FRYL: variants seen among roughly 807,000 people sequenced by gnomAD.
FRYL encodes the protein FRY like transcription coactivator.
Under a neutral mutation model 351.2 loss-of-function variants are expected in FRYL, and 150 were observed. That is an observed-to-expected ratio of 0.43 (90% CI 0.37 to 0.49). The LOEUF (loss-of-function observed/expected upper bound fraction) is 0.49, where lower values mean the gene tolerates loss of function less well. Among genes scored for constraint, FRYL ranks in the 20% least tolerant of loss-of-function variants. The probability of loss-of-function intolerance (pLI) is 0.00; values close to 1 mark genes in which losing one functional copy is unlikely to be tolerated. For synonymous variants in FRYL, 1,153 were observed against 1,257.1 expected, an observed-to-expected ratio of 0.92 and a Z score of 1.75; for missense variants, 3,036 against 3,619.3, an observed-to-expected ratio of 0.84 and a Z score of 4.13.
chr4:48,660,306 C>G (rs1320729027), intron 3 of FRYL, among the ~76,000 whole-genome samples: 2 of 152,160 alleles, frequency 1.3e-5, no homozygotes, highest in African/African-American at 4.8e-5. Flanking sequence ...AAGGAGTTAA[C>G]CTAGCAGGCC....
intron 12 of FRYL, 66 bp downstream of exon 12, chr4:48,603,224 G>A: frequency 9.0e-7 from 1 of 1,109,758 alleles, no homozygotes; most frequent in Non-Finnish European, 1.3e-6. Context: ...AATTTCCACT[G>A]AATTCATAAA....
At chr4:48,520,069 A>G (rs1358121090) in intron 55 of FRYL, among the ~76,000 whole-genome samples, 1 of 152,172 alleles carries the variant, frequency 6.6e-6, no homozygotes, top group East Asian at 1.9e-4. Context: ...CTGTCTTAAT[A>G]GACAGCAAGA....
chr4:48,710,582 A>G lies in FRYL; in HGVS notation c.-267T>C, dbSNP rs536256099. The G allele has an allele frequency of 7.5e-6, 3 of 398,632 alleles. No individual in the cohort carries two copies. Among genetic ancestry groups the G allele is most frequent in the African/African-American group, 6.2e-5 (3 of 48,762 alleles). The allele number at this position is 398,632 out of a possible 1,614,324, so 24.7% of individuals were successfully genotyped here. ...AAGACACCAAGTTTGGAAAGGATCC[A>G]TCTAGAAGCTTTTTTGATCTGGAGC... On this transcript the variant is annotated 5_prime_UTR_variant, in exon 2 of 64. The change abolishes an upstream ATG in the 5' untranslated region. Transcript: ENST00000358350.
intron 2 of FRYL, among the ~76,000 whole-genome samples, chr4:48,697,618 T>C (rs919495145): frequency 6.6e-6 from 1 of 152,146 alleles, no homozygotes; most frequent in Non-Finnish European, 1.5e-5. Context: ...TAGCTGGGAT[T>C]ACAGGTGCAC....
At chr4:48,716,761 A>G (rs1017888629) in intron 1 of FRYL, among the ~76,000 whole-genome samples, 1 of 151,588 alleles carries the variant, frequency 6.6e-6, no homozygotes, top group East Asian at 1.9e-4. Context: ...ACCTGGCCAT[A>G]CCATTACTGG....
Position 48,540,690 on chromosome 4 carries a change from T to C in FRYL, c.5958A>G (p.Gly1986=). 1 of 1,614,040 alleles carries C rather than the reference T, an allele frequency of 6.2e-7. No individual in the cohort carries two copies. Among genetic ancestry groups the C allele is most frequent in the East Asian group, 2.2e-5 (1 of 44,880 alleles). ...TRSLSSLREK[G]MYDVQSTTEP... is the part of the protein sequence containing the mutation. ...CAGTAGTGGACTGCACGTCATACAT[T>C]CCTTTCTCTCTTAGAGAGGAAAGGC... Residue 1986 remains glycine (G), a synonymous_variant, in exon 46 of 64, where the codon GGA becomes GGG. Coordinates refer to ENST00000358350, the MANE Select transcript of FRYL (RefSeq NM_015030.2).
Position 48,573,354 on chromosome 4 carries a change from G to GT in FRYL, c.2847-112dup. 5 of 665,100 alleles carry GT rather than the reference G, an allele frequency of 7.5e-6. No individual in the cohort carries two copies. The Admixed American group carries it at 8.0e-5, about 11-fold the overall frequency. 41.2% of individuals were successfully genotyped at this position (665,100 alleles called of 1,614,324 possible). Reference sequence around the variant, plus strand: ...GACAAGTGTTAATTCCAATCCTACTGTTTTAAACACAATGTCTATTTTTTT... The same window carrying GT: ...GACAAGTGTTAATTCCAATCCTACTGTTTTTAAACACAATGTCTATTTTTTT... On this transcript the variant is annotated intron_variant, in intron 25 of 63. Transcript: ENST00000358350.
chr4:48,657,563 G>A (rs1048600839), intron 3 of FRYL, among the ~76,000 whole-genome samples: 4 of 151,882 alleles, frequency 2.6e-5, no homozygotes, highest in East Asian at 1.9e-4. Flanking sequence ...GCCAATTTTC[G>A]ATTGTATTCT....
At chr4:48,511,930 T>A (rs930294361) in intron 57 of FRYL, among the ~76,000 whole-genome samples, 5 of 152,160 alleles carry the variant, frequency 3.3e-5, no homozygotes, top group African/African-American at 4.8e-5. Flanking sequence ...ATGCTGAAAA[T>A]CAAATCTACA....
intron 13 of FRYL, 118 bp from the exon 14 acceptor site, chr4:48,596,118 T>A: frequency 1.5e-6 from 1 of 667,580 alleles, no homozygotes; most frequent in Non-Finnish European, 2.6e-6. Context: ...AAAATAGGTT[T>A]AAATACCAGG....
At chr4:48,751,697 C>A (rs77157687) in intron 1 of FRYL, among the ~76,000 whole-genome samples, 1 of 152,042 alleles carries the variant, frequency 6.6e-6, no homozygotes, top group African/African-American at 2.4e-5. Flanking sequence ...GTTCAAAAGA[C>A]AGAATAATTA....
chr4:48,512,459 A>T (rs755359887), intron 57 of FRYL, 22 bp downstream of exon 57: 1 of 1,556,838 alleles, frequency 6.4e-7, no homozygotes. Flanking sequence ...ATATGAATTC[A>T]GAAACCCTGA....
chr4:48,579,461 C>T (rs1184917901), intron 22 of FRYL, among the ~76,000 whole-genome samples: 1 of 152,076 alleles, frequency 6.6e-6, no homozygotes, highest in Non-Finnish European at 1.5e-5. Flanking sequence ...CCACTGTTTT[C>T]ATTATTCTCA....
At chr4:48,667,710 C>T (rs1490808773) in intron 3 of FRYL, among the ~76,000 whole-genome samples, 2 of 152,086 alleles carry the variant, frequency 1.3e-5, no homozygotes, top group East Asian at 1.9e-4. Flanking sequence ...TGCAGTGGTG[C>T]GATCTCAGTT....
chr4:48,748,540 A>G (rs1268829175), intron 1 of FRYL, among the ~76,000 whole-genome samples: 1 of 152,206 alleles, frequency 6.6e-6, no homozygotes, highest in Non-Finnish European at 1.5e-5. Context: ...ACAACTGCCC[A>G]GACACGGAAG....
chr4:48,641,389 T>C (rs1174694449), intron 3 of FRYL, among the ~76,000 whole-genome samples: 2 of 152,090 alleles, frequency 1.3e-5, no homozygotes, highest in Admixed American at 1.3e-4. Flanking sequence ...TAAAATATTA[T>C]CTTTTTAGTC....
At chr4:48,584,016 A>C (rs1741525567) in intron 19 of FRYL, among the ~76,000 whole-genome samples, 1 of 152,214 alleles carries the variant, frequency 6.6e-6, no homozygotes. Flanking sequence ...AAATACATCA[A>C]AACAATATGG....
At chr4:48,626,937 G>A (rs1050105359) in intron 4 of FRYL, among the ~76,000 whole-genome samples, 1 of 152,090 alleles carries the variant, frequency 6.6e-6, no homozygotes, top group Middle Eastern at 3.2e-3. Flanking sequence ...AATAAGGTGA[G>A]ATTTGGGGAA....
At chr4:48,687,509 A>AAGGGGGGGGGGGGGGGGGGGGGGGG (rs1765270026) in intron 2 of FRYL, among the ~76,000 whole-genome samples, 1 of 9,810 alleles carries the variant, frequency 1.0e-4, no homozygotes, top group Non-Finnish European at 2.1e-4. Context: ...GGGGGGGGTG[A>AAGGGGGGGGGGGGGGGGGGGGGGGG]GGGGGGAGGG....
Sources: gnomAD v4.1 joint callset for allele counts (sites outside exome capture counted in the v4.1 genomes callset) on GRCh38, gnomAD v4.1.1 for gene constraint, MANE v1.5 for transcripts, NCBI Gene and HGNC (gene_info 2026-07-23, HGNC 2026-07-21) for gene names.